Variants in MVB12B observed in about 807,000 individuals in gnomAD.
The protein encoded by MVB12B is multivesicular body subunit 12B, also known as ESCRT-I complex subunit MVB12B.
Under a neutral mutation model 41.6 loss-of-function variants are expected in MVB12B, and 16 were observed. The ratio of observed to expected loss-of-function variants is 0.38; its 90% confidence interval spans 0.26 to 0.58. MVB12B has a LOEUF of 0.58. Among genes scored for constraint, MVB12B ranks in the 20% least tolerant of loss-of-function variants. MVB12B has a pLI of 0.62. For missense variants in MVB12B, 274 were observed against 380.2 expected (o/e 0.72, Z 2.32); for synonymous variants, 133 against 139.7 (o/e 0.95, Z 0.34).
At chr9:126,433,089 CTTAAAG>C (rs1165127508) in intron 7 of MVB12B, among the ~76,000 whole-genome samples, 4 of 152,168 alleles carry the variant, frequency 2.6e-5, no homozygotes, top group South Asian at 4.1e-4. Flanking sequence ...GGCCTCCTTA[CTTAAAG>C]TTAAATGACC....
At chr9:126,431,736 G>A (rs1389942451) in intron 7 of MVB12B, among the ~76,000 whole-genome samples, 2 of 152,136 alleles carry the variant, frequency 1.3e-5, no homozygotes. Flanking sequence ...GATGAAGCAG[G>A]GTGGGAGCCC....
In MVB12B at chr9:126,367,489, G is replaced by A. The variant is rs189671047; in HGVS notation, c.205-13575G>A. 5.1e-4 allele frequency among the ~76,000 whole-genome samples: 77 copies of A among 151,844 alleles called. 1 individual carries two copies. In the East Asian group the frequency reaches 0.011, roughly 22 times the overall value. ...GCGCCTGCCCCTCTGCCCCTACTTCGTTTCTGCCTGCCAGCACTTTATGAT... is the reference window on the plus strand; with the variant it reads ...GCGCCTGCCCCTCTGCCCCTACTTCATTTCTGCCTGCCAGCACTTTATGAT... On this transcript the variant is annotated intron_variant, in intron 2 of 9. Transcript: ENST00000361171. This position sits in a 1 kb window ranked among gnomAD's most constrained non-coding sequence, Gnocchi z 4.3.
chr9:126,347,698 G>A (rs80251580), intron 2 of MVB12B, among the ~76,000 whole-genome samples: 19 of 152,298 alleles, frequency 1.2e-4, no homozygotes, highest in African/African-American at 4.3e-4. Context: ...GTTCAAACAA[G>A]CTTGCATTTT....
intron 6 of MVB12B, among the ~76,000 whole-genome samples, chr9:126,412,528 C>T (rs1564317480): frequency 6.6e-6 from 1 of 152,216 alleles, no homozygotes; most frequent in African/African-American, 2.4e-5. Flanking sequence ...TGCTTTCATA[C>T]GTGTGTCTCT....
chr9:126,488,960 A>C (rs2119217836), intron 9 of MVB12B, among the ~76,000 whole-genome samples: 1 of 152,288 alleles, frequency 6.6e-6, no homozygotes, highest in Admixed American at 6.5e-5. Context: ...AGCTCCCCAG[A>C]GCTAGCCAAG....
Position 126,473,424 on chromosome 9 carries a change from C to T in MVB12B, c.758-7945C>T, listed in dbSNP as rs1378726749. Among the ~76,000 whole-genome samples, 1 of 152,232 alleles carries T rather than the reference C, an allele frequency of 6.6e-6. No individual in the cohort carries two copies. The highest frequency in any genetic ancestry group is 1.5e-5 in the Non-Finnish European group (1 of 68,046). Reference sequence around the variant, plus strand: ...ATTCTTGCGTTACTATAAAGAAATACCTGAGACTGGGTAATTTATAAGAAA... The same window carrying T: ...ATTCTTGCGTTACTATAAAGAAATATCTGAGACTGGGTAATTTATAAGAAA... On this transcript the variant is annotated intron_variant, in intron 7 of 9. Coordinates refer to ENST00000361171, the MANE Select transcript of MVB12B (RefSeq NM_033446.3). The surrounding 1 kb of genome is among the most constrained non-coding windows in gnomAD (Gnocchi z 4.0).
intron 6 of MVB12B, among the ~76,000 whole-genome samples, chr9:126,402,232 C>G (rs1831286338): frequency 6.6e-6 from 1 of 151,988 alleles, no homozygotes; most frequent in Admixed American, 6.6e-5. Context: ...TCTTTTTGTC[C>G]CCTAGTAATA....
intron 1 of MVB12B, among the ~76,000 whole-genome samples, chr9:126,334,825 G>A (rs1284020618): frequency 4.6e-5 from 7 of 152,216 alleles, no homozygotes; most frequent in South Asian, 2.1e-4. Context: ...AGTCAGGCCT[G>A]TATGGGGCAG....
intron 9 of MVB12B, among the ~76,000 whole-genome samples, chr9:126,490,702 A>G (rs1285178864): frequency 3.9e-5 from 6 of 152,270 alleles, no homozygotes; most frequent in African/African-American, 1.4e-4. Flanking sequence ...CAAGGGAGGC[A>G]GTTCATTTAA....
chr9:126,435,780 G>A (rs903512156), intron 7 of MVB12B, among the ~76,000 whole-genome samples: 7 of 151,918 alleles, frequency 4.6e-5, no homozygotes, highest in African/African-American at 9.7e-5. Context: ...CCAGAGGCTC[G>A]AAGGCCACAG....
Position 126,504,553 on chromosome 9 carries a change from G to C in MVB12B, c.*1290G>C, listed in dbSNP as rs985233449. The C allele has an allele frequency of 6.6e-6, 1 of 152,668 alleles. No individual in the cohort carries two copies. The highest frequency in any genetic ancestry group is 1.5e-5 in the Non-Finnish European group (1 of 68,136). The allele number at this position is 152,668 out of a possible 1,614,324, so 9.5% of individuals were successfully genotyped here. A position where few individuals can be genotyped will look rare whatever the true frequency, so the allele number is the denominator to read the frequency against. On this transcript the variant is annotated 3_prime_UTR_variant, in exon 10 of 10. Coordinates refer to ENST00000361171, the MANE Select transcript of MVB12B (RefSeq NM_033446.3). ...GGACGGCCTCCTGCTGCAGGTCCTG[G>C]GCAGCCCACAGTAGTGCTAGCTGAG...
At chr9:126,448,234 C>G (rs1488977464) in intron 7 of MVB12B, 3 of 152,636 alleles carry the variant, frequency 2.0e-5, no homozygotes, top group Admixed American at 2.0e-4. Context: ...CTATGCCTCT[C>G]AAGGCCCTCC....
At chr9:126,399,666 C>G (rs1006884559) in intron 6 of MVB12B, among the ~76,000 whole-genome samples, 3 of 152,136 alleles carry the variant, frequency 2.0e-5, no homozygotes, top group African/African-American at 7.2e-5. Context: ...GGCTCACAAC[C>G]GCTGGAGCAC....
At position 126,480,097 on chromosome 9, in the gene MVB12B, G is replaced by A. The variant is rs1310513993; in HGVS notation, c.758-1272G>A. 5.9e-5 allele frequency among the ~76,000 whole-genome samples: 9 copies of A among 152,258 alleles called. No individual in the cohort carries two copies. The highest frequency in any genetic ancestry group is 1.9e-4 in the East Asian group (1 of 5,174). On this transcript the variant is annotated intron_variant, in intron 7 of 9. Transcript: ENST00000361171. The surrounding 1 kb of genome is among the most constrained non-coding windows in gnomAD (Gnocchi z 4.9). The stretch of plus-strand genomic sequence containing the variant: ...TGGTCCCAGGAGCGCACTGCCCGAC[G>A]CTGCCCCCATGCTCTACCTTGCTTC...
At chr9:126,470,821 C>T (rs1564342937) in intron 7 of MVB12B, among the ~76,000 whole-genome samples, 1 of 152,104 alleles carries the variant, frequency 6.6e-6, no homozygotes. Flanking sequence ...GTCTCACAGC[C>T]CATGGATTGT....
chr9:126,395,784 G>A lies in MVB12B; in HGVS notation c.662+87G>A. On this transcript the variant is annotated intron_variant, in intron 6 of 9. Transcript: ENST00000361171. This position sits in a 1 kb window ranked among gnomAD's most constrained non-coding sequence, Gnocchi z 4.9. ...AGAACACCACCACTTAGTGTCTGCT[G>A]AAATACTGCAAAGTACAGCTGAATA... 6.4e-7 allele frequency: 1 copy of A among 1,563,750 alleles called. No homozygotes were observed.
intron 2 of MVB12B, among the ~76,000 whole-genome samples, chr9:126,357,456 A>G (rs1339300723): frequency 6.6e-6 from 1 of 152,240 alleles, no homozygotes; most frequent in African/African-American, 2.4e-5. Context: ...GTATCATTTT[A>G]TATCCCAGCA....
In MVB12B at chr9:126,426,740, G is replaced by A. The variant is rs146839613; in HGVS notation, c.757+4792G>A. 1.9e-3 allele frequency among the ~76,000 whole-genome samples: 293 copies of A among 152,316 alleles called. 1 individual carries two copies. Among genetic ancestry groups the A allele is most frequent in the African/African-American group, 6.3e-3 (261 of 41,550 alleles). The stretch of plus-strand genomic sequence containing the variant: ...AATGGAAATAGGATAGAAAGTAGGT[G>A]CGGCTATGTGCAGGGGATATCTAGA... On this transcript the variant is annotated intron_variant, in intron 7 of 9. Coordinates refer to ENST00000361171, the MANE Select transcript of MVB12B (RefSeq NM_033446.3).
chr9:126,433,825 C>G (rs1386393856), intron 7 of MVB12B, among the ~76,000 whole-genome samples: 6 of 152,162 alleles, frequency 3.9e-5, no homozygotes, highest in Non-Finnish European at 8.8e-5. Context: ...TTCCAGCCCC[C>G]TGAGTCCTCC....
Sources: allele counts gnomAD v4.1 joint callset (sites outside exome capture counted in the v4.1 genomes callset), GRCh38; gene constraint gnomAD v4.1.1; non-coding constraint Gnocchi (gnomAD v3.1); transcripts MANE v1.5; gene names NCBI Gene and HGNC (gene_info 2026-07-23, HGNC 2026-07-21).